The following HTR4 variants were observed in gnomAD, a reference collection of about 807,000 sequenced individuals.
HTR4 encodes the protein 5-hydroxytryptamine (serotonin) receptor 4, G protein-coupled.
Under a neutral mutation model 36.8 loss-of-function variants are expected in HTR4, and 16 were observed. The observed-to-expected ratio is 0.43, with a 90% CI of 0.29 to 0.66. The LOEUF is 0.66. Among genes scored for constraint, HTR4 ranks in the 30% least tolerant of loss-of-function variants. The probability of loss-of-function intolerance (pLI) is 0.13; values close to 1 mark genes in which losing one functional copy is unlikely to be tolerated. For missense variants in HTR4, 438 were observed against 490.9 expected (o/e 0.89, Z 1.02); for synonymous variants, 189 against 185.1 (o/e 1.02, Z -0.17).
intron 5 of HTR4, among the ~76,000 whole-genome samples, chr5:148,464,630 G>T (rs2113697209): frequency 6.6e-6 from 1 of 152,254 alleles, no homozygotes; most frequent in Non-Finnish European, 1.5e-5. Context: ...ATACAAAATT[G>T]GTTGGAATGC....
downstream of HTR4, among the ~76,000 whole-genome samples, chr5:148,479,278 A>G (rs986526595): frequency 5.3e-5 from 8 of 151,994 alleles, no homozygotes; most frequent in Admixed American, 5.2e-4. Context: ...CTTTCCTTTG[A>G]GAGGAACCTG....
rs1201165366 is a variant in HTR4 at position 148,481,580 on chromosome 5, T to C, written c.*1623A>G. 1 of 1,522,652 alleles carries C rather than the reference T, an allele frequency of 6.6e-7. No individual in the cohort carries two copies. The highest frequency in any genetic ancestry group is 8.8e-7 in the Non-Finnish European group (1 of 1,142,438). The allele number at this position is 1,522,652 out of a possible 1,614,324, so 94.3% of individuals were successfully genotyped here. ...TTTGGCATTTGGATGGTTTGGTCAA[T>C]CTTCTCTTCCTTATTCCAAAGTTTC... On this transcript the variant is annotated 3_prime_UTR_variant, in exon 7 of 7. Transcript: ENST00000377888.
At chr5:148,497,443 T>A (rs961210336) in intron 6 of HTR4, among the ~76,000 whole-genome samples, 1 of 152,214 alleles carries the variant, frequency 6.6e-6, no homozygotes, top group African/African-American at 2.4e-5. Flanking sequence ...TAATGGAAGC[T>A]TTGCTCTCTT....
chr5:148,514,392 C>T (rs1024906758), intron 5 of HTR4, among the ~76,000 whole-genome samples: 2 of 152,020 alleles, frequency 1.3e-5, no homozygotes, highest in African/African-American at 4.8e-5. Context: ...TTTATTGATG[C>T]AATGAATTAC....
intron 6 of HTR4, among the ~76,000 whole-genome samples, chr5:148,500,776 C>T (rs981185006): frequency 2.6e-5 from 4 of 151,746 alleles, no homozygotes; most frequent in East Asian, 1.9e-4. Context: ...TCTGACAAAC[C>T]GCTAAGTAAT....
chr5:148,459,774 A>AAG (rs1380747943), intron 5 of HTR4, among the ~76,000 whole-genome samples: 10 of 152,168 alleles, frequency 6.6e-5, no homozygotes, highest in Non-Finnish European at 1.2e-4. Context: ...AACAAAAAAA[A>AAG]CCACACAGTT....
At chr5:148,590,057 T>G (rs1442856002) in intron 2 of HTR4, among the ~76,000 whole-genome samples, 1 of 152,146 alleles carries the variant, frequency 6.6e-6, no homozygotes, top group Non-Finnish European at 1.5e-5. Flanking sequence ...TCTATGAGTT[T>G]AACTTTCAGA....
At chr5:148,641,811 T>C (rs1185326433) in intron 1 of HTR4, among the ~76,000 whole-genome samples, 1 of 152,220 alleles carries the variant, frequency 6.6e-6, no homozygotes. Context: ...CCCTCGTTTC[T>C]GATTCAGAAT....
chr5:148,578,945 T>C (rs2127241174), intron 2 of HTR4, among the ~76,000 whole-genome samples: 1 of 152,188 alleles, frequency 6.6e-6, no homozygotes, highest in Non-Finnish European at 1.5e-5. Flanking sequence ...TGCCCACTTC[T>C]CCTAATTATG....
chr5:148,550,065 G>A lies in HTR4; in HGVS notation c.152+72C>T, dbSNP rs905430976. 2.0e-5 allele frequency: 29 copies of A among 1,480,980 alleles called. No homozygotes were observed. In the East Asian group the frequency reaches 6.0e-4, roughly 31 times the overall value. The allele number at this position is 1,480,980 out of a possible 1,614,324, so 91.7% of individuals were successfully genotyped here. A position where few individuals can be genotyped will look rare whatever the true frequency, so the allele number is the denominator to read the frequency against. On this transcript the variant is annotated intron_variant, in intron 3 of 6. Transcript: ENST00000377888. ...CTTAATTACAAATTCTAATAGAAAT[G>A]TTCACACCCAACTCTCTAGGGACAG...
chr5:148,604,253 C>T (rs147119555), intron 2 of HTR4, among the ~76,000 whole-genome samples: 31 of 151,992 alleles, frequency 2.0e-4, no homozygotes, highest in Admixed American at 3.9e-4. Context: ...TTGCAACATG[C>T]GTATCTGAAA....
At chr5:148,461,332 T>G in intron 5 of HTR4, among the ~76,000 whole-genome samples, 1 of 151,948 alleles carries the variant, frequency 6.6e-6, no homozygotes, top group East Asian at 1.9e-4. Flanking sequence ...ATTGTCAAAA[T>G]CGATCAGAAG....
intron 2 of HTR4, among the ~76,000 whole-genome samples, chr5:148,571,306 C>T (rs550358965): frequency 6.6e-6 from 1 of 152,024 alleles, no homozygotes; most frequent in African/African-American, 2.4e-5. Context: ...AACATGTCTG[C>T]GTTAGACTTT....
chr5:148,463,698 T>G (rs1013746452), intron 5 of HTR4, among the ~76,000 whole-genome samples: 1 of 151,918 alleles, frequency 6.6e-6, no homozygotes, highest in Non-Finnish European at 1.5e-5. Context: ...CAGTGAGGTT[T>G]TTTTTTTTTG....
intron 4 of HTR4, among the ~76,000 whole-genome samples, chr5:148,529,871 G>T (rs1016061566): frequency 2.4e-4 from 36 of 152,208 alleles, no homozygotes; most frequent in African/African-American, 8.4e-4. Flanking sequence ...TGAGAAACTT[G>T]CTGGGAACTG....
intron 4 of HTR4, among the ~76,000 whole-genome samples, chr5:148,534,177 C>T (rs144497266): frequency 6.6e-6 from 1 of 152,302 alleles, no homozygotes; most frequent in East Asian, 1.9e-4. Context: ...TATAGCTTGG[C>T]AAAACCTTCC....
intron 4 of HTR4, among the ~76,000 whole-genome samples, chr5:148,528,884 A>C (rs938974311): frequency 2.6e-5 from 4 of 151,686 alleles, no homozygotes; most frequent in Admixed American, 1.3e-4. Context: ...TTACTGACCA[A>C]GGGCTCTGCT....
downstream of HTR4, among the ~76,000 whole-genome samples, chr5:148,471,834 G>C (rs1755574880): frequency 6.6e-6 from 1 of 152,158 alleles, no homozygotes; most frequent in Non-Finnish European, 1.5e-5. Context: ...AAAAGATCAT[G>C]GATTTCATCA....
At chr5:148,512,718 G>A (rs141031657) in intron 5 of HTR4, among the ~76,000 whole-genome samples, 3,432 of 152,214 alleles carry the variant, frequency 0.023, 59 homozygotes, top group Middle Eastern at 0.048. Context: ...ATCACTTGAG[G>A]CCAGGAGTTT....
Sources: gnomAD v4.1 joint callset for allele counts (sites outside exome capture counted in the v4.1 genomes callset) on GRCh38, gnomAD v4.1.1 for gene constraint, MANE v1.5 for transcripts, NCBI Gene and HGNC (gene_info 2026-07-23, HGNC 2026-07-21) for gene names.